The following FERMT1 variants were observed in gnomAD, a reference collection of about 807,000 sequenced individuals.
FERMT1 encodes the protein fermitin family homolog 1.
In FERMT1, 60 loss-of-function variants were observed where a neutral mutation model predicts 85.3. That is an observed-to-expected ratio of 0.70 (90% CI 0.57 to 0.87). The LOEUF (loss-of-function observed/expected upper bound fraction) is 0.87. Ranked by LOEUF, FERMT1 falls within the 40% of genes least tolerant of loss-of-function variation. FERMT1 has a pLI of 0.00. For synonymous variants in FERMT1, 275 were observed against 301.1 expected, an observed-to-expected ratio of 0.91 and a Z score of 0.90; for missense variants, 701 against 818.9, an observed-to-expected ratio of 0.86 and a Z score of 1.76.
chr20:6,085,830 C>T (rs1015984290), intron 11 of FERMT1, among the ~76,000 whole-genome samples: 11 of 146,030 alleles, frequency 7.5e-5, no homozygotes, highest in African/African-American at 2.8e-4. Flanking sequence ...GCCTGGGCGA[C>T]AGAACAATAC....
chr20:6,079,722 G>T, intron 13 of FERMT1, 145 bp from the exon 14 acceptor site: 1 of 810,512 alleles, frequency 1.2e-6, no homozygotes, highest in Admixed American at 2.4e-5. Context: ...TTCTGCAGGG[G>T]GGCATTTTTA....
intron 5 of FERMT1, among the ~76,000 whole-genome samples, chr20:6,108,408 C>A (rs1982855219): frequency 6.6e-6 from 1 of 152,062 alleles, no homozygotes; most frequent in African/African-American, 2.4e-5. Context: ...AGATTTTTTT[C>A]TCATGGATAC....
rs752037149 is a variant in FERMT1, at chr20:6,097,050, C to T, written c.958-17G>A. 1.1e-5 allele frequency: 18 copies of T among 1,611,410 alleles called. No individual in the cohort carries two copies. Among genetic ancestry groups the T allele is most frequent in the African/African-American group, 4.0e-5 (3 of 74,922 alleles). Reference sequence around the variant, plus strand: ...AATGTGGTACTAAAATGAAAACAGACGTTTTAGAAATGTTATAAACAGAAA... The same window carrying T: ...AATGTGGTACTAAAATGAAAACAGATGTTTTAGAAATGTTATAAACAGAAA... On this transcript the variant is annotated splice_polypyrimidine_tract_variant and intron_variant, in intron 7 of 14. Transcript: ENST00000217289.
chr20:6,110,342 C>G lies in FERMT1; in HGVS notation c.702G>C (p.Met234Ile), dbSNP rs1159691706. The change falls in exon 5 of 15, where the codon ATG (methionine) becomes ATC (isoleucine). Residue 234 changes from methionine (M) to isoleucine (I), a missense_variant. Physicochemically the swap from Met to Ile is conservative, Grantham distance 10. Coordinates refer to ENST00000217289, the MANE Select transcript of FERMT1 (RefSeq NM_017671.5). Reference sequence around the variant, plus strand: ...TATCAACCAGAGACCGAGGCTGGTACATATCCGCAAGTGCTTCTGGGGACT... The same window carrying G: ...TATCAACCAGAGACCGAGGCTGGTAGATATCCGCAAGTGCTTCTGGGGACT... ...PPQSPEALAD[M>I]YQPRSLVDKA... The G allele has an allele frequency of 6.2e-7, 1 of 1,613,674 alleles. No homozygotes were observed. The highest frequency in any genetic ancestry group is 1.1e-5 in the South Asian group (1 of 91,060).
chr20:6,115,318 C>A lies in FERMT1; in HGVS notation c.385+493G>T, dbSNP rs1268566999. On this transcript the variant is annotated intron_variant, in intron 3 of 14. Transcript: ENST00000217289. ...ATCTATAAATAATTAGGTTTAAATTCACAATTAAGTGTACTTTTCTGCTTA... is the reference window on the plus strand; with the variant it reads ...ATCTATAAATAATTAGGTTTAAATTAACAATTAAGTGTACTTTTCTGCTTA... Among the ~76,000 whole-genome samples the A allele has an allele frequency of 3.3e-5, 5 of 152,226 alleles. No individual in the cohort carries two copies. In the South Asian group the frequency reaches 1.0e-3, roughly 32 times the overall value.
chr20:6,119,065 A>C (rs1983189445), intron 2 of FERMT1, among the ~76,000 whole-genome samples: 1 of 151,480 alleles, frequency 6.6e-6, no homozygotes, highest in Non-Finnish European at 1.5e-5. Flanking sequence ...CTCCTGCCTC[A>C]GGCTTCCGAG....
intron 9 of FERMT1, among the ~76,000 whole-genome samples, chr20:6,090,534 T>C (rs1982327526): frequency 6.7e-6 from 1 of 150,142 alleles, no homozygotes. Context: ...GTGAGAGAAT[T>C]GCCTGAGGCC....
chr20:6,093,660 T>G (rs996122433), intron 9 of FERMT1, among the ~76,000 whole-genome samples: 1 of 152,196 alleles, frequency 6.6e-6, no homozygotes, highest in African/African-American at 2.4e-5. Context: ...CCAGGGAAGT[T>G]AAATGAATGA....
At chr20:6,116,962 CCAAT>C (rs1983120461) in intron 2 of FERMT1, among the ~76,000 whole-genome samples, 1 of 152,264 alleles carries the variant, frequency 6.6e-6, no homozygotes, top group East Asian at 1.9e-4. Flanking sequence ...GCAATAGCCT[CCAAT>C]CAAAGTCCAC....
At position 6,079,440 on chromosome 20, in the gene FERMT1, CG is replaced by C; in HGVS notation, c.1855del (p.Arg619GlyfsTer18). The C allele has an allele frequency of 6.2e-7, 1 of 1,614,120 alleles. No individual in the cohort carries two copies. Among genetic ancestry groups the C allele is most frequent in the Non-Finnish European group, 8.5e-7 (1 of 1,180,028 alleles). Reference protein sequence around the residue: ...IKQWNVNWETRQVVIEFDQNV... With the variant: ...IKQWNVNWETXQVVIEFDQNV... ...GAGCAAAAACTTTCACTTTACCTGC[CG>C]GGTTTCCCAGTTTACATTCCACTGT... On this transcript the variant is annotated frameshift_variant, in exon 14 of 15. Coordinates refer to ENST00000217289, the MANE Select transcript of FERMT1 (RefSeq NM_017671.5). LOFTEE classifies it high-confidence loss of function.
intron 9 of FERMT1, 25 bp downstream of exon 9, chr20:6,094,914 C>CT (rs1568658157): frequency 7.7e-7 from 1 of 1,302,668 alleles, no homozygotes; most frequent in Non-Finnish European, 1.1e-6. Context: ...TGAGTAACTC[C>CT]TTTTCCCCAT....
intron 8 of FERMT1, 89 bp downstream of exon 8, chr20:6,096,811 ATG>A: frequency 6.3e-6 from 5 of 795,522 alleles, no homozygotes; most frequent in East Asian, 3.5e-5. Context: ...TCAAAATCAG[ATG>A]AAATATTCTC....
Position 6,079,118 on chromosome 20 carries a change from A to T in FERMT1, c.1860+318T>A, listed in dbSNP as rs1981922289. Among the ~76,000 whole-genome samples the T allele has an allele frequency of 2.0e-5, 3 of 152,212 alleles. No individual in the cohort carries two copies. In the South Asian group the frequency reaches 6.2e-4, roughly 32 times the overall value. ...CAGTAGTTTCTCATAAGTAAGTATC[A>T]AGCTAAATCCTGTATAATCCTATGC... On this transcript the variant is annotated intron_variant, in intron 14 of 14. Coordinates refer to ENST00000217289, the MANE Select transcript of FERMT1 (RefSeq NM_017671.5).
chr20:6,110,216 A>C lies in FERMT1; in HGVS notation c.746+82T>G, dbSNP rs138376564. ...ATAAAGCACAATCCCTAGGCCTACC[A>C]ACTTGAAAATGAAACGTGACATCCC... is the stretch of plus-strand genomic sequence containing the variant. On this transcript the variant is annotated intron_variant, in intron 5 of 14. Coordinates refer to ENST00000217289, the MANE Select transcript of FERMT1 (RefSeq NM_017671.5). The C allele has an allele frequency of 2.9e-3, 3,506 of 1,228,018 alleles. 10 individuals carry two copies. The highest frequency in any genetic ancestry group is 7.0e-3 in the Middle Eastern group (26 of 3,718). 76.1% of individuals were successfully genotyped at this position (1,228,018 alleles called of 1,614,324 possible).
intron 3 of FERMT1, 74 bp from the exon 4 acceptor site, chr20:6,112,697 T>G (rs1290573860): frequency 4.9e-5 from 53 of 1,082,328 alleles, no homozygotes; most frequent in Non-Finnish European, 1.4e-5. Context: ...GGTCATTTTG[T>G]GCATTTAAAA....
intron 13 of FERMT1, among the ~76,000 whole-genome samples, chr20:6,081,127 G>C (rs1981983255): frequency 6.6e-6 from 1 of 152,060 alleles, no homozygotes; most frequent in South Asian, 2.1e-4. Flanking sequence ...TCTCCTAAAA[G>C]AAAGTTAGCT....
In FERMT1 at chr20:6,104,359, T is replaced by C. The variant is rs11700048; in HGVS notation, c.849+3173A>G. Among the ~76,000 whole-genome samples, 48,321 of 152,000 alleles carry C rather than the reference T, an allele frequency of 0.32. 8,183 individuals are homozygous for C. The highest frequency in any genetic ancestry group is 0.54 in the East Asian group (2,811 of 5,164). Reference sequence around the variant, plus strand: ...TAAATTTGCAGTGGCTTCATGGGTGTTCTTTCTTCTTCTTAGATTTGATTG... The same window carrying C: ...TAAATTTGCAGTGGCTTCATGGGTGCTCTTTCTTCTTCTTAGATTTGATTG... On this transcript the variant is annotated intron_variant, in intron 6 of 14. Transcript: ENST00000217289. This position sits in a 1 kb window ranked among gnomAD's most constrained non-coding sequence, Gnocchi z 4.2.
At chr20:6,078,649 T>TTG (rs1568651735) in intron 14 of FERMT1, among the ~76,000 whole-genome samples, 2 of 137,854 alleles carry the variant, frequency 1.5e-5, no homozygotes, top group African/African-American at 5.4e-5. Flanking sequence ...TTTTTTTGTT[T>TTG]TTTTTTTTTT....
rs1568659210 is a variant in FERMT1 at position 6,097,593 on chromosome 20, GGCTT to G, written c.884_887del (p.Gln295ProfsTer7). 1.9e-6 allele frequency: 3 copies of G among 1,613,976 alleles called. No individual in the cohort carries two copies. The highest frequency in any genetic ancestry group is 1.7e-6 in the Non-Finnish European group (2 of 1,179,970). On this transcript the variant is annotated frameshift_variant, in exon 7 of 15. Transcript: ENST00000217289. LOFTEE classifies it high-confidence loss of function. ...TTTCTTCTAAGAGAATGGCCCACCTGGCTTGCTCATAGAGTTGGTTTATTCGGAC... is the reference window on the plus strand; with the variant it reads ...TTTCTTCTAAGAGAATGGCCCACCTGGCTCATAGAGTTGGTTTATTCGGAC...
Sources: gnomAD v4.1 joint callset for allele counts (sites outside exome capture counted in the v4.1 genomes callset) on GRCh38, gnomAD v4.1.1 for gene constraint, Gnocchi (gnomAD v3.1) non-coding constraint, MANE v1.5 for transcripts, NCBI Gene and HGNC (gene_info 2026-07-23, HGNC 2026-07-21) for gene names.